Variants in PPP1R1A observed in about 807,000 individuals in gnomAD.
PPP1R1A encodes protein phosphatase 1 regulatory inhibitor subunit 1A.
A neutral mutation model predicts 23.9 loss-of-function variants in PPP1R1A; 18 were observed. The ratio of observed to expected loss-of-function variants is 0.75; its 90% confidence interval spans 0.52 to 1.12. The LOEUF is 1.12. Ranked by LOEUF, PPP1R1A falls within the 50% of genes most tolerant of loss-of-function variation. The probability of loss-of-function intolerance (pLI) is 0.00; values close to 1 mark genes in which losing one functional copy is unlikely to be tolerated. For synonymous variants in PPP1R1A, 84 were observed against 80.7 expected, an observed-to-expected ratio of 1.04 and a Z score of -0.22; for missense variants, 207 against 223.8, an observed-to-expected ratio of 0.92 and a Z score of 0.48.
chr12:54,582,701 G>T, intron 4 of PPP1R1A, 31 bp downstream of exon 4: 1 of 1,607,340 alleles, frequency 6.2e-7, no homozygotes, highest in Non-Finnish European at 8.5e-7. Context: ...AGGCACAGAG[G>T]AGAAAAAGGG....
At chr12:54,583,014 G>A (rs921356942) in intron 3 of PPP1R1A, among the ~76,000 whole-genome samples, 197 bp downstream of exon 3, 1 of 152,100 alleles carries the variant, frequency 6.6e-6, no homozygotes, top group Non-Finnish European at 1.5e-5. Flanking sequence ...CAAGGAGACT[G>A]TGAGTGTGTG....
Position 54,588,586 on chromosome 12 carries a change from C to T in PPP1R1A, c.-98G>A. 3 of 648,922 alleles carry T rather than the reference C, an allele frequency of 4.6e-6. No individual in the cohort carries two copies. The highest frequency in any genetic ancestry group is 6.3e-6 in the Non-Finnish European group (3 of 473,154). 40.2% of individuals were successfully genotyped at this position (648,922 alleles called of 1,614,324 possible). A position where few individuals can be genotyped will look rare whatever the true frequency, so the allele number is the denominator to read the frequency against. On this transcript the variant is annotated 5_prime_UTR_variant, in exon 1 of 7. Transcript: ENST00000257905. The stretch of plus-strand genomic sequence containing the variant: ...GCGCTCCCTCTCCGCTCCGCTCCGG[C>T]CCCGGCCCCAGCCCGGCGCGCTCGG...
In PPP1R1A at chr12:54,588,411, C is replaced by T. The variant is rs1957933454; in HGVS notation, c.78G>A (p.Ala26=). ...GCCCCGCCCTGCTCCGCACCTGCTC[C>T]GCCGCCTCGGGGTCAAGGTGCGGCT... ...LLEPHLDPEA[A]EQIRRRRPTP... is the part of the protein sequence containing the mutation. Residue 26 remains alanine, a synonymous_variant, in exon 1 of 7, where the codon GCG becomes GCA. Coordinates refer to ENST00000257905, the MANE Select transcript of PPP1R1A (RefSeq NM_006741.4). The T allele has an allele frequency of 2.0e-6, 3 of 1,498,758 alleles. No homozygotes were observed. The highest frequency in any genetic ancestry group is 2.5e-5 in the South Asian group (2 of 79,726). The allele number at this position is 1,498,758 out of a possible 1,614,324, so 92.8% of individuals were successfully genotyped here.
intron 1 of PPP1R1A, among the ~76,000 whole-genome samples, chr12:54,586,775 C>T (rs1226911214): frequency 5.3e-5 from 8 of 152,120 alleles, no homozygotes; most frequent in African/African-American, 1.9e-4. Context: ...GGCCTTCCTC[C>T]TCCTCCTCCC....
chr12:54,579,841 C>A lies in PPP1R1A; in HGVS notation c.*546G>T. The A allele has an allele frequency of 1.0e-6, 1 of 985,766 alleles. No homozygotes were observed. The highest frequency in any genetic ancestry group is 1.2e-6 in the Non-Finnish European group (1 of 830,228). 61.1% of individuals were successfully genotyped at this position (985,766 alleles called of 1,614,324 possible). A position where few individuals can be genotyped will look rare whatever the true frequency, so the allele number is the denominator to read the frequency against. Reference sequence around the variant, plus strand: ...GAGGAGGTATCGGCACACCACCATACCCTCTTTCCCATGGGCCAAGTGCCA... The same window carrying A: ...GAGGAGGTATCGGCACACCACCATAACCTCTTTCCCATGGGCCAAGTGCCA... On this transcript the variant is annotated 3_prime_UTR_variant, in exon 7 of 7. Transcript: ENST00000257905.
chr12:54,582,188 G>C, intron 4 of PPP1R1A, 57 bp from the exon 5 acceptor site: 1 of 1,516,072 alleles, frequency 6.6e-7, no homozygotes, highest in Non-Finnish European at 8.9e-7. Flanking sequence ...CGTCTCCCCT[G>C]TGGGCCTCCG....
At chr12:54,583,310 T>A (rs1338311890) in intron 2 of PPP1R1A, 62 bp from the exon 3 acceptor site, 1 of 1,379,034 alleles carries the variant, frequency 7.3e-7, no homozygotes, top group African/African-American at 1.5e-5. Context: ...CCCATAGAGC[T>A]GACTTCTCAG....
chr12:54,588,420 G>T lies in PPP1R1A; in HGVS notation c.69C>A (p.Pro23=). The change falls in exon 1 of 7, where the codon CCC becomes CCA. Residue 23 remains proline, a synonymous_variant. Coordinates refer to ENST00000257905, the MANE Select transcript of PPP1R1A (RefSeq NM_006741.4). ...TGCTCCGCACCTGCTCCGCCGCCTC[G>T]GGGTCAAGGTGCGGCTCCAGCAGCG... ...TVPLLEPHLD[P]EAAEQIRRRR... 1 of 1,500,048 alleles carries T rather than the reference G, an allele frequency of 6.7e-7. No homozygotes were observed. Among genetic ancestry groups the T allele is most frequent in the Non-Finnish European group, 8.9e-7 (1 of 1,119,926 alleles). 92.9% of individuals were successfully genotyped at this position (1,500,048 alleles called of 1,614,324 possible).
chr12:54,581,154 A>C lies in PPP1R1A; in HGVS notation c.404-104T>G. 4.6e-6 allele frequency: 4 copies of C among 861,432 alleles called. No individual in the cohort carries two copies. The highest frequency in any genetic ancestry group is 7.4e-6 in the Non-Finnish European group (4 of 540,414). 53.4% of individuals were successfully genotyped at this position (861,432 alleles called of 1,614,324 possible). A position where few individuals can be genotyped will look rare whatever the true frequency, so the allele number is the denominator to read the frequency against. On this transcript the variant is annotated intron_variant, in intron 5 of 6. Coordinates refer to ENST00000257905, the MANE Select transcript of PPP1R1A (RefSeq NM_006741.4). The surrounding 1 kb of genome is among the most constrained non-coding windows in gnomAD (Gnocchi z 4.1). The stretch of plus-strand genomic sequence containing the variant: ...CACCCATACCCCAGTGGCCCCTGAG[A>C]GGGCCCCAGGACCAAGTTGGGTGCA...
rs1957850449 is a variant in PPP1R1A, at chr12:54,580,994, T to C, written c.460A>G (p.Lys154Glu). The C allele has an allele frequency of 6.2e-7, 1 of 1,613,874 alleles. No homozygotes were observed. ...HERGSKEPST[K>E]EPSTHIPPLD... The stretch of plus-strand genomic sequence containing the variant: ...GGTGGTATATGGGTTGAGGGTTCTT[T>C]TGTGCTGGGTTCCTTACTGCCTCTC... The change falls in exon 6 of 7, where the codon AAA becomes GAA. Residue 154 changes from lysine (K) to glutamate (E), a missense_variant. By Grantham distance (56) the Lys-to-Glu change is moderately conservative. Transcript: ENST00000257905.
rs1160225674 is a variant in PPP1R1A at position 54,579,747 on chromosome 12, C to G, written c.*640G>C. On this transcript the variant is annotated 3_prime_UTR_variant, in exon 7 of 7. Coordinates refer to ENST00000257905, the MANE Select transcript of PPP1R1A (RefSeq NM_006741.4). ...GAAATAAGGGACAGCGGTCCCACAG[C>G]TGGAAGAGGGAACACATCCTGAAGC... 4.1e-6 allele frequency: 4 copies of G among 985,480 alleles called. No homozygotes were observed. The highest frequency in any genetic ancestry group is 2.3e-4 in the East Asian group (2 of 8,834). 61.0% of individuals were successfully genotyped at this position (985,480 alleles called of 1,614,324 possible).
chr12:54,588,439 A>G lies in PPP1R1A; in HGVS notation c.50T>C (p.Leu17Pro). Residue 17 changes from leucine (L) to proline (P), a missense_variant, in exon 1 of 7, where the codon CTG becomes CCG. Transcript: ENST00000257905. ...CGCCTCGGGGTCAAGGTGCGGCTCC[A>G]GCAGCGGGACCGTGAACTGGATCTT... ...PRKIQFTVPLLEPHLDPEAAE... is the reference protein window; with the variant it reads ...PRKIQFTVPLPEPHLDPEAAE... 6.7e-7 allele frequency: 1 copy of G among 1,498,782 alleles called. No homozygotes were observed. Among genetic ancestry groups the G allele is most frequent in the Non-Finnish European group, 8.9e-7 (1 of 1,119,596 alleles). The allele number at this position is 1,498,782 out of a possible 1,614,324, so 92.8% of individuals were successfully genotyped here.
intron 1 of PPP1R1A, 73 bp downstream of exon 1, chr12:54,588,332 C>A: frequency 7.8e-7 from 1 of 1,279,616 alleles, no homozygotes; most frequent in Non-Finnish European, 1.0e-6. Context: ...GGCAGGGATC[C>A]TGGGTCCCAC....
chr12:54,581,910 G>T lies in PPP1R1A; in HGVS notation c.403+66C>A. ...CCAACTCTTTCCCCTCCCCGCAGTG[G>T]GTAAGGCTTGCCTCCTGCTGGGCTG... On this transcript the variant is annotated intron_variant, in intron 5 of 6. Transcript: ENST00000257905. The surrounding 1 kb of genome is among the most constrained non-coding windows in gnomAD (Gnocchi z 4.1). 6.5e-7 allele frequency: 1 copy of T among 1,542,532 alleles called. No individual in the cohort carries two copies. The highest frequency in any genetic ancestry group is 8.7e-7 in the Non-Finnish European group (1 of 1,142,982).
In PPP1R1A at chr12:54,580,260, A is replaced by AC; in HGVS notation, c.*126dup. The AC allele has an allele frequency of 6.6e-7, 1 of 1,509,728 alleles. No individual in the cohort carries two copies. The allele number at this position is 1,509,728 out of a possible 1,614,324, so 93.5% of individuals were successfully genotyped here. A position where few individuals can be genotyped will look rare whatever the true frequency, so the allele number is the denominator to read the frequency against. ...TTGGAAAAGAAGGAAAGTGCCAAGG[A>AC]CCTAACACCAAATTTATCACTTTTT... is the stretch of plus-strand genomic sequence containing the variant. On this transcript the variant is annotated 3_prime_UTR_variant, in exon 7 of 7. Transcript: ENST00000257905.
intron 3 of PPP1R1A, 21 bp downstream of exon 3, chr12:54,583,190 T>C: frequency 6.4e-7 from 1 of 1,557,354 alleles, no homozygotes; most frequent in Non-Finnish European, 8.6e-7. Context: ...GGGCTGGGCT[T>C]AGTGGGATGG....
chr12:54,585,242 G>A (rs1048558726), intron 1 of PPP1R1A, among the ~76,000 whole-genome samples: 1 of 152,158 alleles, frequency 6.6e-6, no homozygotes, highest in Non-Finnish European at 1.5e-5. Context: ...TGTCATGGTA[G>A]ATATAATATC....
chr12:54,579,632 AT>A lies in PPP1R1A; in HGVS notation c.*754del. ...GTTTTGGTCTTATCTGGGCCCCTCA[AT>A]GTCTAGGACAAGGGAACCCTTCCAG... On this transcript the variant is annotated 3_prime_UTR_variant, in exon 7 of 7. Coordinates refer to ENST00000257905, the MANE Select transcript of PPP1R1A (RefSeq NM_006741.4). The A allele has an allele frequency of 1.4e-5, 14 of 985,408 alleles. No individual in the cohort carries two copies. The highest frequency in any genetic ancestry group is 1.7e-5 in the Non-Finnish European group (14 of 829,958). 61.0% of individuals were successfully genotyped at this position (985,408 alleles called of 1,614,324 possible).
At chr12:54,586,193 C>T (rs889201313) in intron 1 of PPP1R1A, among the ~76,000 whole-genome samples, 2 of 152,112 alleles carry the variant, frequency 1.3e-5, no homozygotes, top group Non-Finnish European at 2.9e-5. Context: ...TGACAGAGGG[C>T]AGCAGGGCTG....
Sources: allele counts gnomAD v4.1 joint callset (sites outside exome capture counted in the v4.1 genomes callset), GRCh38; gene constraint gnomAD v4.1.1; non-coding constraint Gnocchi (gnomAD v3.1); transcripts MANE v1.5; gene names NCBI Gene and HGNC (gene_info 2026-07-23, HGNC 2026-07-21).